The following DDX1 variants were observed in gnomAD, a reference collection of about 807,000 sequenced individuals.
DDX1 encodes the protein DEAD-box helicase 1, also known as ATP-dependent RNA helicase DDX1.
A neutral mutation model predicts 108.7 loss-of-function variants in DDX1; 28 were observed. That is an observed-to-expected ratio of 0.26 (90% CI 0.19 to 0.35). The LOEUF is 0.35. Ranked by LOEUF, DDX1 falls within the 10% of genes least tolerant of loss-of-function variation. The pLI is 1.00. For synonymous variants in DDX1, 295 were observed against 288.9 expected (o/e 1.02, Z -0.21); for missense variants, 710 against 884.5 (o/e 0.80, Z 2.50).
chr2:15,614,371 A>T (rs1317682577), intron 14 of DDX1, among the ~76,000 whole-genome samples: 1 of 152,240 alleles, frequency 6.6e-6, no homozygotes, highest in Non-Finnish European at 1.5e-5. Flanking sequence ...CTGGTATGCC[A>T]TATTAAGAGC....
At chr2:15,617,435 G>T in intron 15 of DDX1, 93 bp downstream of exon 15, 3 of 611,188 alleles carry the variant, frequency 4.9e-6, no homozygotes, top group Non-Finnish European at 8.1e-6. Flanking sequence ...ATTCAGTCAT[G>T]ATCCTACTAC....
At position 15,596,091 on chromosome 2, in the gene DDX1, T is replaced by C. The variant is rs1008320965; in HGVS notation, c.132+538T>C. The stretch of plus-strand genomic sequence containing the variant: ...TTGTAGAGACAGGGTCTCACTATGC[T>C]GCCCAGTCTGGTCTCCAACTCCCAG... On this transcript the variant is annotated intron_variant, in intron 3 of 25. Coordinates refer to ENST00000233084, the MANE Select transcript of DDX1 (RefSeq NM_004939.3). Among the ~76,000 whole-genome samples, 15 of 152,304 alleles carry C rather than the reference T, an allele frequency of 9.8e-5. No homozygotes were observed. In the East Asian group the frequency reaches 2.9e-3, roughly 29 times the overall value.
At chr2:15,591,982 C>T (rs1356885024) in intron 1 of DDX1, 33 bp downstream of exon 1, 2 of 1,396,540 alleles carry the variant, frequency 1.4e-6, no homozygotes, top group South Asian at 1.6e-5. Context: ...GGTGGTGGGG[C>T]GGCTTGTTGC....
chr2:15,593,457 A>C (rs1001371103), intron 1 of DDX1, among the ~76,000 whole-genome samples: 3 of 152,168 alleles, frequency 2.0e-5, no homozygotes, highest in Non-Finnish European at 4.4e-5. Flanking sequence ...AATGTTTCTA[A>C]TTTTTCCTTA....
intron 15 of DDX1, among the ~76,000 whole-genome samples, chr2:15,617,619 T>C (rs1014010027): frequency 1.3e-5 from 2 of 152,226 alleles, no homozygotes; most frequent in Non-Finnish European, 2.9e-5. Flanking sequence ...AGTGGTCTAT[T>C]ATATGGCTAC....
rs1425788625 is a variant in DDX1, at chr2:15,628,307, A to G, written c.1687-138A>G. On this transcript the variant is annotated intron_variant, in intron 20 of 25. Transcript: ENST00000233084. ...AAAACTTCAAGACTTGGTCCAGTAA[A>G]TTAGGAGTATGTCGACCTCTAATCT... The G allele has an allele frequency of 4.9e-6, 3 of 616,440 alleles. No homozygotes were observed. In the African/African-American group the frequency reaches 5.5e-5, roughly 11 times the overall value. 38.2% of individuals were successfully genotyped at this position (616,440 alleles called of 1,614,324 possible).
At chr2:15,629,837 C>A in intron 24 of DDX1, 140 bp downstream of exon 24, 1 of 1,009,206 alleles carries the variant, frequency 9.9e-7, no homozygotes, top group Non-Finnish European at 1.4e-6. Flanking sequence ...GTTATCTGCA[C>A]TTTGCTAATT....
intron 18 of DDX1, chr2:15,621,458 C>A: frequency 4.8e-6 from 1 of 207,022 alleles, no homozygotes; most frequent in Non-Finnish European, 9.6e-6. Context: ...CGCCCGCCAC[C>A]ATGCCTGGCT....
At position 15,627,118 on chromosome 2, in the gene DDX1, GAGAAAGCAAAACT is replaced by G; in HGVS notation, c.1660_1672del (p.Arg554TrpfsTer9). 1 of 1,610,606 alleles carries G rather than the reference GAGAAAGCAAAACT, an allele frequency of 6.2e-7. No individual in the cohort carries two copies. The highest frequency in any genetic ancestry group is 8.5e-7 in the Non-Finnish European group (1 of 1,177,702). On this transcript the variant is annotated frameshift_variant, in exon 20 of 26. Transcript: ENST00000233084. LOFTEE classifies it high-confidence loss of function. The stretch of plus-strand genomic sequence containing the variant: ...TTCATGGTGACAGAAAGCCTCATGA[GAGAAAGCAAAACT>G]TGGAAAGATTTAAGGTACTGATACA...
Position 15,605,939 on chromosome 2 carries a change from T to C in DDX1, c.626-11T>C, listed in dbSNP as rs199780931. ...ATTGTTTTAATCTCTCTCTCTCTCTTGTTTTTTAAGGAAAAGATCTTGGTC... is the reference window on the plus strand; with the variant it reads ...ATTGTTTTAATCTCTCTCTCTCTCTCGTTTTTTAAGGAAAAGATCTTGGTC... On this transcript the variant is annotated splice_polypyrimidine_tract_variant and intron_variant, in intron 10 of 25. Transcript: ENST00000233084. 9.3e-5 allele frequency: 140 copies of C among 1,502,850 alleles called. No individual in the cohort carries two copies. The highest frequency in any genetic ancestry group is 4.3e-4 in the African/African-American group (31 of 71,496). 93.1% of individuals were successfully genotyped at this position (1,502,850 alleles called of 1,614,324 possible). A position where few individuals can be genotyped will look rare whatever the true frequency, so the allele number is the denominator to read the frequency against.
At chr2:15,620,623 C>A (rs530014398) in intron 17 of DDX1, among the ~76,000 whole-genome samples, 156 of 152,244 alleles carry the variant, frequency 1.0e-3, no homozygotes, top group African/African-American at 3.6e-3. Context: ...TTGATACAGT[C>A]TTTATAAGTA....
chr2:15,630,457 A>T (rs1172789749), intron 25 of DDX1, among the ~76,000 whole-genome samples: 1 of 152,224 alleles, frequency 6.6e-6, no homozygotes, highest in Non-Finnish European at 1.5e-5. Flanking sequence ...GTGGTAATTC[A>T]GCATATTATT....
chr2:15,628,984 A>G (rs1433329285), intron 23 of DDX1, 145 bp downstream of exon 23: 3 of 735,034 alleles, frequency 4.1e-6, no homozygotes, highest in Non-Finnish European at 4.5e-6. Flanking sequence ...CTTTTTTCCT[A>G]TATTCATTGA....
At chr2:15,599,528 G>A (rs1487725509) in intron 5 of DDX1, 141 bp from the exon 6 acceptor site, 5 of 485,702 alleles carry the variant, frequency 1.0e-5, no homozygotes, top group African/African-American at 1.0e-4. Context: ...GGCCAGGCTG[G>A]TCTTGAACTC....
intron 13 of DDX1, among the ~76,000 whole-genome samples, chr2:15,610,655 A>G (rs936981356): frequency 3.3e-4 from 50 of 152,352 alleles, no homozygotes; most frequent in African/African-American, 1.1e-3. Context: ...GGCATTTTAT[A>G]TACATACAAG....
intron 16 of DDX1, among the ~76,000 whole-genome samples, chr2:15,618,556 G>A (rs1002905867): frequency 2.0e-5 from 3 of 152,344 alleles, no homozygotes; most frequent in Admixed American, 1.3e-4. Context: ...CATTGGCTGC[G>A]GCAGGGCGGG....
At chr2:15,596,621 T>A (rs1464803698) in intron 3 of DDX1, 113 bp from the exon 4 acceptor site, 1 of 905,104 alleles carries the variant, frequency 1.1e-6, no homozygotes, top group African/African-American at 1.7e-5. Context: ...GGAGGCACTG[T>A]GAAAATAAAG....
intron 13 of DDX1, among the ~76,000 whole-genome samples, chr2:15,608,759 T>G (rs1411481221): frequency 6.7e-6 from 1 of 149,300 alleles, no homozygotes; most frequent in Non-Finnish European, 1.5e-5. Context: ...ACTGTAGCCT[T>G]GAACTCCTAG....
intron 14 of DDX1, among the ~76,000 whole-genome samples, chr2:15,615,177 T>G (rs1416107628): frequency 1.3e-5 from 2 of 152,246 alleles, no homozygotes; most frequent in Non-Finnish European, 2.9e-5. Context: ...GGGGCAGAAG[T>G]CAGCTTGGCA....
Sources: allele counts gnomAD v4.1 joint callset (sites outside exome capture counted in the v4.1 genomes callset), GRCh38; gene constraint gnomAD v4.1.1; transcripts MANE v1.5; gene names NCBI Gene and HGNC (gene_info 2026-07-23, HGNC 2026-07-21).